GRIN2A: variants seen among roughly 807,000 people sequenced by gnomAD.
GRIN2A encodes the protein glutamate receptor ionotropic, NMDA 2A.
In GRIN2A, 22 loss-of-function variants were observed where a neutral mutation model predicts 113.4. The ratio of observed to expected loss-of-function variants is 0.19; its 90% CI spans 0.14 to 0.28. The LOEUF is 0.28. Ranked by LOEUF, GRIN2A falls within the 10% of genes least tolerant of loss-of-function variation. The probability of loss-of-function intolerance (pLI) is 1.00; values close to 1 mark genes in which losing one functional copy is unlikely to be tolerated. For synonymous variants in GRIN2A, 827 were observed against 738.4 expected (o/e 1.12, Z -1.94); for missense variants, 1,502 against 1,887.0 (o/e 0.80, Z 3.78).
intron 3 of GRIN2A, among the ~76,000 whole-genome samples, chr16:9,919,695 A>G (rs1438360396): frequency 6.6e-6 from 1 of 152,222 alleles, no homozygotes; most frequent in African/African-American, 2.4e-5. Context: ...AAACTCTCCA[A>G]AGACTTTTCA....
intron 3 of GRIN2A, among the ~76,000 whole-genome samples, chr16:9,920,543 C>T (rs2044338450): frequency 6.6e-6 from 1 of 151,576 alleles, no homozygotes; most frequent in South Asian, 2.1e-4. Context: ...GTGTCTTGGC[C>T]TCCCTGCATA....
Position 10,058,852 on chromosome 16 carries a change from C to A in GRIN2A, c.415-120301G>T, listed in dbSNP as rs150331461. On this transcript the variant is annotated intron_variant, in intron 2 of 12. Coordinates refer to ENST00000330684, the MANE Select transcript of GRIN2A (RefSeq NM_001134407.3). ...CAAAAAGACAGATGTGGTGTCTTCC[C>A]TAATGAGCTTATATTCTAGTGGGCA... Among the ~76,000 whole-genome samples the A allele has an allele frequency of 9.2e-5, 14 of 152,312 alleles. No homozygotes were observed. In the East Asian group the frequency reaches 2.7e-3, roughly 29 times the overall value.
chr16:9,839,897 C>T (rs553899736), intron 7 of GRIN2A, among the ~76,000 whole-genome samples: 27 of 152,058 alleles, frequency 1.8e-4, no homozygotes, highest in East Asian at 5.8e-4. Flanking sequence ...AAGAACTGCC[C>T]GAGGATCACT....
Position 10,137,783 on chromosome 16 carries a change from G to C in GRIN2A, c.414+42215C>G, listed in dbSNP as rs533671967. Among the ~76,000 whole-genome samples, 10 of 152,318 alleles carry C rather than the reference G, an allele frequency of 6.6e-5. No homozygotes were observed. The South Asian group carries it at 2.1e-3, about 32-fold the overall frequency. The stretch of plus-strand genomic sequence containing the variant: ...TAAATGAGAGAGTGTGACATGCTTA[G>C]CACAAAGTAAGGGCTGAAGCAATGC... On this transcript the variant is annotated intron_variant, in intron 2 of 12. Coordinates refer to ENST00000330684, the MANE Select transcript of GRIN2A (RefSeq NM_001134407.3).
chr16:9,816,211 G>A (rs1019751665), intron 10 of GRIN2A, among the ~76,000 whole-genome samples: 2 of 152,146 alleles, frequency 1.3e-5, no homozygotes, highest in African/African-American at 4.8e-5. Flanking sequence ...CACGATGAAT[G>A]CATTTAATAC....
intron 2 of GRIN2A, among the ~76,000 whole-genome samples, chr16:10,117,297 G>A (rs2048745639): frequency 6.6e-6 from 1 of 152,158 alleles, no homozygotes; most frequent in East Asian, 1.9e-4. Flanking sequence ...TCCCCCAGGA[G>A]CTCTTATCTT....
intron 2 of GRIN2A, among the ~76,000 whole-genome samples, chr16:9,972,791 C>A (rs939101716): frequency 2.0e-5 from 3 of 152,318 alleles, no homozygotes; most frequent in African/African-American, 7.2e-5. Context: ...TTGCCACTGT[C>A]TAGACAGAGC....
At chr16:9,940,791 A>G (rs1302388614) in intron 2 of GRIN2A, among the ~76,000 whole-genome samples, 1 of 152,172 alleles carries the variant, frequency 6.6e-6, no homozygotes, top group African/African-American at 2.4e-5. Flanking sequence ...CTATATCTCA[A>G]TGTATCCTTT....
intron 2 of GRIN2A, among the ~76,000 whole-genome samples, chr16:10,049,821 T>A (rs2047327169): frequency 6.6e-6 from 1 of 152,212 alleles, no homozygotes; most frequent in Non-Finnish European, 1.5e-5. Flanking sequence ...GAACATTTTG[T>A]GCAATTTTTT....
chr16:10,135,061 T>G (rs1071458), intron 2 of GRIN2A, among the ~76,000 whole-genome samples: 91,694 of 152,074 alleles, frequency 0.6, 27,968 homozygotes, highest in Middle Eastern at 0.72. Context: ...AATCTTGCTT[T>G]CTTTTTGCTT....
intron 2 of GRIN2A, among the ~76,000 whole-genome samples, chr16:9,980,255 A>T (rs1164627861): frequency 6.6e-6 from 1 of 151,260 alleles, no homozygotes; most frequent in Non-Finnish European, 1.5e-5. Context: ...CCTGGACAAC[A>T]GAGACTGTCT....
intron 4 of GRIN2A, among the ~76,000 whole-genome samples, chr16:9,852,496 C>T (rs1335048257): frequency 2.6e-5 from 4 of 152,140 alleles, no homozygotes; most frequent in Non-Finnish European, 5.9e-5. Flanking sequence ...GGTTTATGAG[C>T]CCCCAGAGTG....
At chr16:9,956,250 T>A (rs1261255835) in intron 2 of GRIN2A, among the ~76,000 whole-genome samples, 2 of 152,246 alleles carry the variant, frequency 1.3e-5, no homozygotes, top group African/African-American at 4.8e-5. Flanking sequence ...GTTATTTTCA[T>A]GTTTTAACTT....
At chr16:9,839,636 G>A (rs1164304558) in intron 7 of GRIN2A, among the ~76,000 whole-genome samples, 1 of 152,134 alleles carries the variant, frequency 6.6e-6, no homozygotes, top group Admixed American at 6.5e-5. Context: ...GATGGAGGAT[G>A]GATATGTAGA....
intron 3 of GRIN2A, among the ~76,000 whole-genome samples, chr16:9,916,698 C>G (rs1051326352): frequency 1.3e-5 from 2 of 152,166 alleles, no homozygotes; most frequent in Non-Finnish European, 2.9e-5. Context: ...CTTTTCCAAC[C>G]TTTCAAGGCA....
intron 2 of GRIN2A, among the ~76,000 whole-genome samples, chr16:10,072,283 C>G (rs940833349): frequency 2.0e-5 from 3 of 152,156 alleles, no homozygotes; most frequent in Non-Finnish European, 4.4e-5. Context: ...CCATTTGCAG[C>G]ATGAGAATAA....
chr16:9,958,214 T>C (rs898336524), intron 2 of GRIN2A, among the ~76,000 whole-genome samples: 2 of 152,210 alleles, frequency 1.3e-5, no homozygotes, highest in Admixed American at 6.5e-5. Flanking sequence ...TTCCAATACA[T>C]TTAGTTGTTA....
chr16:10,081,115 A>G (rs193134600), intron 2 of GRIN2A, among the ~76,000 whole-genome samples: 1 of 152,268 alleles, frequency 6.6e-6, no homozygotes, highest in East Asian at 1.9e-4. Flanking sequence ...CGTTAATATA[A>G]ATATCTACCA....
intron 10 of GRIN2A, among the ~76,000 whole-genome samples, chr16:9,803,419 A>C (rs1447035523): frequency 1.3e-5 from 2 of 151,996 alleles, no homozygotes; most frequent in East Asian, 1.9e-4. Flanking sequence ...CCATCTCAAA[A>C]AAAAAAACAA....
Sources: gnomAD v4.1 joint callset for allele counts (sites outside exome capture counted in the v4.1 genomes callset) on GRCh38, gnomAD v4.1.1 for gene constraint, MANE v1.5 for transcripts, NCBI Gene and HGNC (gene_info 2026-07-23, HGNC 2026-07-21) for gene names.